CERS4: variants seen among roughly 807,000 people sequenced by gnomAD.
The protein encoded by CERS4 is LAG1 homolog, ceramide synthase 4.
A neutral mutation model predicts 51.8 loss-of-function variants in CERS4; 65 were observed. The ratio of observed to expected loss-of-function variants is 1.26; its 90% confidence interval spans 1.03 to 1.54. The LOEUF is 1.54. CERS4 is among the 40% of genes most tolerant of loss of function. The pLI, the probability that CERS4 is intolerant of heterozygous loss-of-function variation, is 0.00. For synonymous variants in CERS4, 228 were observed against 208.4 expected, an observed-to-expected ratio of 1.09 and a Z score of -0.81; for missense variants, 563 against 500.4, an observed-to-expected ratio of 1.13 and a Z score of -1.19.
intron 2 of CERS4, among the ~76,000 whole-genome samples, chr19:8,214,164 CTG>C (rs33935553): frequency 0.35 from 52,999 of 151,888 alleles, 9,704 homozygotes; most frequent in Non-Finnish European, 0.4. Flanking sequence ...TCCCATGACA[CTG>C]TGTCTGAAGA....
Position 8,261,972 on chromosome 19 carries a change from A to G in CERS4, c.1048A>G (p.Ser350Gly). The change falls in exon 12 of 12, where the codon AGT becomes GGT. Residue 350 changes from serine to glycine, a missense_variant. Transcript: ENST00000251363. ...IRSDVEESDS[S>G]EEAAAAQEPL... ...TAGTGATGTAGAAGAATCAGACTCC[A>G]GTGAGGAGGCGGCGGCGGCCCAGGA... 1.2e-6 allele frequency: 2 copies of G among 1,603,902 alleles called. No individual in the cohort carries two copies. The highest frequency in any genetic ancestry group is 1.7e-6 in the Non-Finnish European group (2 of 1,175,374).
At position 8,249,355 on chromosome 19, in the gene CERS4, T is replaced by C. The variant is rs530765010; in HGVS notation, c.-1-1721T>C. ...GAACCACTGTGGTAGGCTGGACCCT[T>C]GGCTCAAGATCTCAGGGAAGGGAGC... On this transcript the variant is annotated intron_variant, in intron 2 of 11. Coordinates refer to ENST00000251363, the MANE Select transcript of CERS4 (RefSeq NM_024552.3). Among the ~76,000 whole-genome samples the C allele has an allele frequency of 3.1e-4, 47 of 152,238 alleles. 1 individual carries two copies. In the South Asian group the frequency reaches 9.5e-3, roughly 31 times the overall value.
intron 9 of CERS4, among the ~76,000 whole-genome samples, chr19:8,257,650 G>A (rs1404234539): frequency 1.3e-5 from 2 of 152,048 alleles, no homozygotes; most frequent in African/African-American, 4.8e-5. Flanking sequence ...GGCTGGTCTC[G>A]AACTCCTGAC....
At chr19:8,224,494 C>T (rs1193010935) in intron 2 of CERS4, among the ~76,000 whole-genome samples, 1 of 152,024 alleles carries the variant, frequency 6.6e-6, no homozygotes, top group Non-Finnish European at 1.5e-5. Flanking sequence ...CCTAACCCAG[C>T]CCAGCGGCGA....
intron 2 of CERS4, among the ~76,000 whole-genome samples, chr19:8,238,295 G>A (rs866239755): frequency 1.3e-5 from 2 of 152,138 alleles, no homozygotes; most frequent in Admixed American, 6.6e-5. Flanking sequence ...GGGCAGGGAG[G>A]GGTATTGGCT....
rs1969747940 is a variant in CERS4 at position 8,262,229 on chromosome 19, G to T, written c.*120G>T. ...GACAGGGAGGGCCCCACCCGGGGTGGGTGGGAAGGCTGATGATCTGTCTCC... is the reference window on the plus strand; with the variant it reads ...GACAGGGAGGGCCCCACCCGGGGTGTGTGGGAAGGCTGATGATCTGTCTCC... On this transcript the variant is annotated 3_prime_UTR_variant, in exon 12 of 12. Coordinates refer to ENST00000251363, the MANE Select transcript of CERS4 (RefSeq NM_024552.3). 4 of 1,140,382 alleles carry T rather than the reference G, an allele frequency of 3.5e-6. No homozygotes were observed. The highest frequency in any genetic ancestry group is 5.6e-5 in the East Asian group (2 of 35,510). 70.6% of individuals were successfully genotyped at this position (1,140,382 alleles called of 1,614,324 possible).
intron 2 of CERS4, among the ~76,000 whole-genome samples, chr19:8,243,994 T>C (rs1011478076): frequency 1.3e-5 from 2 of 152,124 alleles, no homozygotes; most frequent in African/African-American, 4.8e-5. Flanking sequence ...GGAATTAAGG[T>C]TGTTAATCAG....
At chr19:8,260,817 G>A (rs1364190779) in intron 10 of CERS4, among the ~76,000 whole-genome samples, 1 of 151,832 alleles carries the variant, frequency 6.6e-6, no homozygotes, top group Non-Finnish European at 1.5e-5. Flanking sequence ...TGGGCGTGGT[G>A]GCAGGGGCCT....
rs188444222 is a variant in CERS4 at position 8,244,950 on chromosome 19, C to T, written c.-1-6126C>T. The stretch of plus-strand genomic sequence containing the variant: ...ACGAGGTCAGGAGATCTAGACCATC[C>T]TGGCTAACATGGTGAAACCCTGTCT... On this transcript the variant is annotated intron_variant, in intron 2 of 11. Transcript: ENST00000251363. 4.3e-3 allele frequency among the ~76,000 whole-genome samples: 649 copies of T among 152,002 alleles called. 3 individuals carry two copies. The highest frequency in any genetic ancestry group is 0.015 in the African/African-American group (607 of 41,484).
rs201633174 is a variant in CERS4 at position 8,261,857 on chromosome 19, C to T, written c.1005+13C>T. ...GAAGAAGGGCCAGGTATGGCTGGAC[C>T]TCCCCGGGGGCCCCAGCCCTAAGCT... On this transcript the variant is annotated intron_variant, in intron 11 of 11. Coordinates refer to ENST00000251363, the MANE Select transcript of CERS4 (RefSeq NM_024552.3). The T allele has an allele frequency of 1.6e-4, 262 of 1,614,016 alleles. 2 individuals are homozygous for T. In the African/African-American group the frequency reaches 2.6e-3, roughly 16 times the overall value.
intron 2 of CERS4, among the ~76,000 whole-genome samples, chr19:8,225,677 G>A (rs1199375701): frequency 6.6e-6 from 1 of 151,378 alleles, no homozygotes; most frequent in Non-Finnish European, 1.5e-5. Context: ...ACCCACCTCC[G>A]CCTCCCAAAG....
intron 2 of CERS4, among the ~76,000 whole-genome samples, chr19:8,218,351 T>C (rs1967390701): frequency 6.6e-6 from 1 of 152,138 alleles, no homozygotes; most frequent in Non-Finnish European, 1.5e-5. Flanking sequence ...GGTTTAACCA[T>C]GCCAGGCATC....
intron 4 of CERS4, 51 bp downstream of exon 4, chr19:8,254,667 CGTGGGGATGGTGT>C (rs1568534434): frequency 6.7e-7 from 1 of 1,498,734 alleles, no homozygotes; most frequent in South Asian, 1.2e-5. Flanking sequence ...GGGGGTGGGG[CGTGGGGATGGTGT>C]GTGGCCCATT....
At chr19:8,248,304 T>C (rs1470860530) in intron 2 of CERS4, among the ~76,000 whole-genome samples, 1 of 152,126 alleles carries the variant, frequency 6.6e-6, no homozygotes, top group African/African-American at 2.4e-5. Flanking sequence ...ATCTCTTGCC[T>C]GGATGGATGG....
At chr19:8,234,452 A>G (rs544165707) in intron 2 of CERS4, among the ~76,000 whole-genome samples, 32 of 151,620 alleles carry the variant, frequency 2.1e-4, no homozygotes, top group African/African-American at 7.3e-4. Flanking sequence ...CCCAGCTTCC[A>G]GAACCTTTTT....
chr19:8,249,239 G>GT (rs1568527659), intron 2 of CERS4, among the ~76,000 whole-genome samples: 1 of 151,942 alleles, frequency 6.6e-6, no homozygotes, highest in East Asian at 1.9e-4. Flanking sequence ...GTGGACAGAT[G>GT]TTTGGATGGG....
At chr19:8,214,696 G>A (rs1159290400) in intron 2 of CERS4, among the ~76,000 whole-genome samples, 1 of 151,852 alleles carries the variant, frequency 6.6e-6, no homozygotes, top group Non-Finnish European at 1.5e-5. Context: ...CGTCCTGTAT[G>A]TGCAGTGGTC....
At position 8,262,236 on chromosome 19, in the gene CERS4, A is replaced by G; in HGVS notation, c.*127A>G. 9.6e-7 allele frequency: 1 copy of G among 1,038,934 alleles called. No individual in the cohort carries two copies. The highest frequency in any genetic ancestry group is 1.3e-6 in the Non-Finnish European group (1 of 767,032). The allele number at this position is 1,038,934 out of a possible 1,614,324, so 64.4% of individuals were successfully genotyped here. A position where few individuals can be genotyped will look rare whatever the true frequency, so the allele number is the denominator to read the frequency against. ...AGGGCCCCACCCGGGGTGGGTGGGA[A>G]GGCTGATGATCTGTCTCCAGCCCCT... On this transcript the variant is annotated 3_prime_UTR_variant, in exon 12 of 12. Transcript: ENST00000251363.
chr19:8,240,868 T>C (rs1019425548), intron 2 of CERS4, among the ~76,000 whole-genome samples: 2 of 152,074 alleles, frequency 1.3e-5, no homozygotes, highest in Non-Finnish European at 2.9e-5. Context: ...CCCGTGTCAG[T>C]ACAAAGCCCC....
Sources: gnomAD v4.1 joint callset for allele counts (sites outside exome capture counted in the v4.1 genomes callset) on GRCh38, gnomAD v4.1.1 for gene constraint, MANE v1.5 for transcripts, NCBI Gene and HGNC (gene_info 2026-07-23, HGNC 2026-07-21) for gene names.